UBE2E2: variants seen among roughly 807,000 people sequenced by gnomAD.
The protein encoded by UBE2E2 is ubiquitin-conjugating enzyme E2 E2.
In UBE2E2, 6 loss-of-function variants were observed where a neutral mutation model predicts 24.7. The observed-to-expected ratio is 0.24, with a 90% CI of 0.13 to 0.48. UBE2E2 has a LOEUF of 0.48. Ranked by LOEUF, UBE2E2 falls within the 20% of genes least tolerant of loss-of-function variation. UBE2E2 has a pLI of 0.99. For missense variants in UBE2E2, 169 were observed against 245.0 expected (o/e 0.69, Z 2.07); for synonymous variants, 104 against 83.6 (o/e 1.24, Z -1.33).
chr3:23,503,177 G>T (rs78895776), intron 4 of UBE2E2, among the ~76,000 whole-genome samples: 1 of 149,544 alleles, frequency 6.7e-6, no homozygotes, highest in African/African-American at 2.5e-5. Context: ...TTGGTTGGTT[G>T]GTTTTTGTTT....
At chr3:23,344,338 A>G (rs369968533) in intron 3 of UBE2E2, among the ~76,000 whole-genome samples, 1 of 152,308 alleles carries the variant, frequency 6.6e-6, no homozygotes, top group African/African-American at 2.4e-5. Flanking sequence ...AAACACATCC[A>G]GAGGTCACAT....
At chr3:23,587,382 A>C (rs1696648867) in intron 5 of UBE2E2, among the ~76,000 whole-genome samples, 1 of 152,044 alleles carries the variant, frequency 6.6e-6, no homozygotes, top group South Asian at 2.1e-4. Context: ...CAGTGTGTAC[A>C]CTCTGGATGT....
intron 3 of UBE2E2, among the ~76,000 whole-genome samples, chr3:23,458,457 G>A (rs1165347826): frequency 2.6e-5 from 4 of 150,956 alleles, no homozygotes; most frequent in East Asian, 2.0e-4. Flanking sequence ...AGTCTCTATC[G>A]CCCAGGCTGG....
At position 23,217,249 on chromosome 3, in the gene UBE2E2, C is replaced by T. The variant is rs1696500974; in HGVS notation, c.177-13C>T. ...ATATTTTTAACATAATGTTCTTTGT[C>T]TTTATTTTAAAGAATTCAGAAGGAA... On this transcript the variant is annotated splice_polypyrimidine_tract_variant and intron_variant, in intron 2 of 5. Coordinates refer to ENST00000396703, the MANE Select transcript of UBE2E2 (RefSeq NM_152653.4). 1 of 1,609,302 alleles carries T rather than the reference C, an allele frequency of 6.2e-7. No homozygotes were observed. The highest frequency in any genetic ancestry group is 8.5e-7 in the Non-Finnish European group (1 of 1,176,416).
At chr3:23,348,006 T>TA (rs200603091) in intron 3 of UBE2E2, among the ~76,000 whole-genome samples, 6 of 151,672 alleles carry the variant, frequency 4.0e-5, no homozygotes, top group East Asian at 1.9e-4. Context: ...TAAAGTATAA[T>TA]AAAAAAAAGA....
intron 5 of UBE2E2, among the ~76,000 whole-genome samples, chr3:23,581,662 T>C (rs1445932507): frequency 6.6e-6 from 1 of 152,224 alleles, no homozygotes; most frequent in African/African-American, 2.4e-5. Flanking sequence ...ACATTCTGGA[T>C]CCAATGCCCA....
At chr3:23,544,051 C>T (rs1210162758) in intron 5 of UBE2E2, among the ~76,000 whole-genome samples, 1 of 152,080 alleles carries the variant, frequency 6.6e-6, no homozygotes, top group East Asian at 1.9e-4. Flanking sequence ...TTACCATATA[C>T]AAAAATCAAC....
intron 3 of UBE2E2, among the ~76,000 whole-genome samples, chr3:23,223,659 G>T (rs190622055): frequency 1.4e-4 from 22 of 152,148 alleles, no homozygotes; most frequent in Admixed American, 1.0e-3. Context: ...TTCCTTTGCT[G>T]TGCAGAAGCT....
At chr3:23,304,440 A>G (rs1045970801) in intron 3 of UBE2E2, among the ~76,000 whole-genome samples, 1 of 152,182 alleles carries the variant, frequency 6.6e-6, no homozygotes, top group Non-Finnish European at 1.5e-5. Context: ...TGTTTAAAAT[A>G]TTACTAAACT....
At chr3:23,554,634 G>A (rs956840004) in intron 5 of UBE2E2, among the ~76,000 whole-genome samples, 2 of 152,110 alleles carry the variant, frequency 1.3e-5, no homozygotes, top group Non-Finnish European at 2.9e-5. Context: ...CGAAGAAAAC[G>A]TGGGTAAAAG....
chr3:23,385,129 G>A (rs2125355176), intron 3 of UBE2E2, among the ~76,000 whole-genome samples: 2 of 152,196 alleles, frequency 1.3e-5, no homozygotes, highest in East Asian at 1.9e-4. Flanking sequence ...GTTGTTAACT[G>A]CTTTAAAGAA....
Position 23,532,598 on chromosome 3 carries a change from A to C in UBE2E2, c.405A>C (p.Gln135His). 6.4e-7 allele frequency: 1 copy of C among 1,563,212 alleles called. No homozygotes were observed. Among genetic ancestry groups the C allele is most frequent in the Non-Finnish European group, 8.7e-7 (1 of 1,144,938 alleles). Residue 135 changes from glutamine to histidine, a missense_variant, in exon 5 of 6, where the codon CAA (glutamine) becomes CAC (histidine). By Grantham distance (24) the Gln-to-His change is conservative (BLOSUM62 0). Transcript: ENST00000396703. Reference sequence around the variant, plus strand: ...TCTATCACTGTAATATTAACAGCCAAGGTGTGATCTGTCTGGACATCTTAA... The same window carrying C: ...TCTATCACTGTAATATTAACAGCCACGGTGTGATCTGTCTGGACATCTTAA... The part of the protein sequence containing the change: ...TRIYHCNINS[Q>H]GVICLDILKD...
rs57708620 is a variant in UBE2E2 at position 23,291,849 on chromosome 3, A to ATTTTTTT, written c.227+74558_227+74564dup. On this transcript the variant is annotated intron_variant, in intron 3 of 5. Coordinates refer to ENST00000396703, the MANE Select transcript of UBE2E2 (RefSeq NM_152653.4). ...AGATGTGTGCCACCATGCCCGGCTA[A>ATTTTTTT]TTTTTTTTTTTTTTTTTTTTTTTTT... Among the ~76,000 whole-genome samples the ATTTTTTT allele has an allele frequency of 8.1e-3, 521 of 64,024 alleles. 77 individuals carry two copies. Among genetic ancestry groups the ATTTTTTT allele is most frequent in the African/African-American group, 0.018 (259 of 14,034 alleles). 42.0% of individuals were successfully genotyped at this position (64,024 alleles called of 152,430 possible).
At chr3:23,203,132 G>T (rs1216954161), upstream of UBE2E2, 10 of 984,388 alleles carry the variant, frequency 1.0e-5, no homozygotes, top group East Asian at 5.7e-4. Flanking sequence ...GGACGGCCGG[G>T]CGGCGGCGGC....
At chr3:23,244,980 G>A (rs1328014755) in intron 3 of UBE2E2, among the ~76,000 whole-genome samples, 3 of 152,028 alleles carry the variant, frequency 2.0e-5, no homozygotes, top group African/African-American at 4.8e-5. Flanking sequence ...TTAGAGCTTT[G>A]TTCATCCCAC....
At chr3:23,398,111 G>C (rs1291766960) in intron 3 of UBE2E2, among the ~76,000 whole-genome samples, 1 of 151,898 alleles carries the variant, frequency 6.6e-6, no homozygotes, top group African/African-American at 2.4e-5. Flanking sequence ...TCAGGAGTTC[G>C]AGACCAGCCT....
intron 5 of UBE2E2, among the ~76,000 whole-genome samples, chr3:23,573,063 G>A (rs1384494747): frequency 6.6e-6 from 1 of 152,112 alleles, no homozygotes; most frequent in Non-Finnish European, 1.5e-5. Context: ...AAGGAATGAG[G>A]TACGATGAGG....
At chr3:23,306,010 C>T (rs1333577648) in intron 3 of UBE2E2, among the ~76,000 whole-genome samples, 8 of 152,102 alleles carry the variant, frequency 5.3e-5, no homozygotes, top group African/African-American at 1.4e-4. Context: ...TGTTCAAGGG[C>T]TGACATGACC....
chr3:23,442,836 C>T (rs1262253543), intron 3 of UBE2E2, among the ~76,000 whole-genome samples: 4 of 152,112 alleles, frequency 2.6e-5, no homozygotes, highest in Admixed American at 2.6e-4. Context: ...TGGGGTTTCC[C>T]CTCAGAGGAA....
Sources: allele counts gnomAD v4.1 joint callset (sites outside exome capture counted in the v4.1 genomes callset), GRCh38; gene constraint gnomAD v4.1.1; transcripts MANE v1.5; gene names NCBI Gene and HGNC (gene_info 2026-07-23, HGNC 2026-07-21).